Variants in AUTS2 observed in about 807,000 individuals in gnomAD.
AUTS2 encodes autism susceptibility gene 2 protein.
Under a neutral mutation model 112.4 loss-of-function variants are expected in AUTS2, and 17 were observed. The ratio of observed to expected loss-of-function variants is 0.15; its 90% CI spans 0.10 to 0.23. The LOEUF is 0.23. Among genes scored for constraint, AUTS2 ranks in the 10% least tolerant of loss-of-function variants. AUTS2 has a pLI of 1.00. For synonymous variants in AUTS2, 751 were observed against 702.7 expected, an observed-to-expected ratio of 1.07 and a Z score of -1.09; for missense variants, 1,510 against 1,701.6, an observed-to-expected ratio of 0.89 and a Z score of 1.98.
At chr7:69,739,481 T>A (rs547255038) in intron 1 of AUTS2, among the ~76,000 whole-genome samples, 2 of 152,244 alleles carry the variant, frequency 1.3e-5, no homozygotes, top group South Asian at 2.1e-4. Flanking sequence ...ATCTTGGGTA[T>A]AAAGCTTTCT....
chr7:70,608,344 A>G (rs549890264), intron 5 of AUTS2, among the ~76,000 whole-genome samples: 10 of 152,142 alleles, frequency 6.6e-5, no homozygotes, highest in South Asian at 2.1e-4. Flanking sequence ...GGCTCAAGCA[A>G]TCCTCCCACC....
At chr7:70,670,456 C>G (rs1807576336) in intron 5 of AUTS2, among the ~76,000 whole-genome samples, 1 of 152,172 alleles carries the variant, frequency 6.6e-6, no homozygotes, top group South Asian at 2.1e-4. Context: ...AGCATTATTA[C>G]AGAGTGAGGA....
At chr7:69,602,546 C>T (rs1792494733) in intron 1 of AUTS2, among the ~76,000 whole-genome samples, 1 of 152,104 alleles carries the variant, frequency 6.6e-6, no homozygotes, top group South Asian at 2.1e-4. Context: ...CATCTATTTC[C>T]TCTCCCACAT....
At chr7:69,667,977 C>A (rs2129150725) in intron 1 of AUTS2, among the ~76,000 whole-genome samples, 1 of 152,214 alleles carries the variant, frequency 6.6e-6, no homozygotes, top group East Asian at 1.9e-4. Context: ...AAAATACCAC[C>A]AAGTCTAATA....
intron 2 of AUTS2, among the ~76,000 whole-genome samples, chr7:70,084,250 C>T (rs1237687891): frequency 6.6e-6 from 1 of 152,094 alleles, no homozygotes; most frequent in Non-Finnish European, 1.5e-5. Flanking sequence ...CCACATTGTG[C>T]TGTATATAAT....
In AUTS2 at chr7:70,051,482, C is replaced by T. The variant is rs1442775706; in HGVS notation, c.523-66650C>T. 4.6e-5 allele frequency among the ~76,000 whole-genome samples: 7 copies of T among 152,138 alleles called. No individual in the cohort carries two copies. In the South Asian group the frequency reaches 1.0e-3, roughly 23 times the overall value. ...CTGTAATCCCTGCAGTTTGGGAGGC[C>T]GAGGCAGGTGGATCACCTGAGTTCA... On this transcript the variant is annotated intron_variant, in intron 2 of 18. Coordinates refer to ENST00000342771, the MANE Select transcript of AUTS2 (RefSeq NM_015570.4).
At chr7:70,735,527 C>T (rs749862923) in intron 6 of AUTS2, among the ~76,000 whole-genome samples, 7 of 152,068 alleles carry the variant, frequency 4.6e-5, no homozygotes, top group Non-Finnish European at 8.8e-5. Flanking sequence ...CTTTAAGGAC[C>T]GCGAGGAGAG....
intron 6 of AUTS2, among the ~76,000 whole-genome samples, chr7:70,714,681 A>G (rs1266224205): frequency 2.6e-5 from 4 of 152,182 alleles, no homozygotes; most frequent in Admixed American, 2.6e-4. Context: ...TGTCCTGAAG[A>G]CTGCCCCACA....
At chr7:70,657,291 T>C (rs1047247347) in intron 5 of AUTS2, among the ~76,000 whole-genome samples, 1 of 152,176 alleles carries the variant, frequency 6.6e-6, no homozygotes, top group South Asian at 2.1e-4. Flanking sequence ...ATCGAGATCA[T>C]GTACAAGTAA....
chr7:69,884,262 T>C (rs968225709), intron 1 of AUTS2, among the ~76,000 whole-genome samples: 4 of 152,360 alleles, frequency 2.6e-5, no homozygotes, highest in Non-Finnish European at 4.4e-5. Context: ...ATGCAGCTTC[T>C]TAAAAAATGA....
rs57079488 is a variant in AUTS2 at position 70,129,885 on chromosome 7, A to AATAT, written c.625-4638_625-4635dup. On this transcript the variant is annotated intron_variant, in intron 3 of 18. Coordinates refer to ENST00000342771, the MANE Select transcript of AUTS2 (RefSeq NM_015570.4). ...CAACTATATGCTTATTTCTCAATCA[A>AATAT]ATATATATATATATATTGTGTGTGT... is the stretch of plus-strand genomic sequence containing the variant. Among the ~76,000 whole-genome samples, 114 of 147,126 alleles carry AATAT rather than the reference A, an allele frequency of 7.7e-4. 1 individual carries two copies. Among genetic ancestry groups the AATAT allele is most frequent in the Admixed American group, 2.7e-3 (40 of 14,634 alleles).
In AUTS2 at chr7:70,290,610, C is replaced by G. The variant is rs555126470; in HGVS notation, c.661-145142C>G. On this transcript the variant is annotated intron_variant, in intron 4 of 18. Coordinates refer to ENST00000342771, the MANE Select transcript of AUTS2 (RefSeq NM_015570.4). Reference sequence around the variant, plus strand: ...GACCCCAATGAGAAATTAAACACTTCCCTCCTTTTCATTTGCAGTGTGTTT... The same window carrying G: ...GACCCCAATGAGAAATTAAACACTTGCCTCCTTTTCATTTGCAGTGTGTTT... 2.9e-4 allele frequency: 417 copies of G among 1,428,066 alleles called. 3 individuals carry two copies. In the South Asian group the frequency reaches 6.1e-3, roughly 21 times the overall value. 88.5% of individuals were successfully genotyped at this position (1,428,066 alleles called of 1,614,324 possible). A position where few individuals can be genotyped will look rare whatever the true frequency, so the allele number is the denominator to read the frequency against.
intron 4 of AUTS2, among the ~76,000 whole-genome samples, chr7:70,414,483 G>T (rs938054041): frequency 2.0e-5 from 3 of 152,258 alleles, no homozygotes; most frequent in Admixed American, 6.5e-5. Context: ...GAACTGGGAG[G>T]CAGGAGGCAT....
At chr7:70,443,951 A>G (rs978234388) in intron 5 of AUTS2, among the ~76,000 whole-genome samples, 3 of 152,196 alleles carry the variant, frequency 2.0e-5, no homozygotes, top group Admixed American at 6.5e-5. Context: ...CTTGATCTAT[A>G]AAAGGAATTG....
At chr7:70,125,251 G>A (rs1021445912) in intron 3 of AUTS2, among the ~76,000 whole-genome samples, 1 of 65,842 alleles carries the variant, frequency 1.5e-5, no homozygotes, top group Admixed American at 1.3e-4. Flanking sequence ...GGAGATGTGT[G>A]TGTGTGTGTG....
intron 1 of AUTS2, among the ~76,000 whole-genome samples, chr7:69,802,591 C>A (rs1244403243): frequency 6.6e-6 from 1 of 152,168 alleles, no homozygotes; most frequent in Admixed American, 6.5e-5. Context: ...CTTGTCTCTG[C>A]AACTGGAGAG....
At chr7:70,003,175 T>C (rs1799281936) in intron 2 of AUTS2, among the ~76,000 whole-genome samples, 1 of 123,784 alleles carries the variant, frequency 8.1e-6, no homozygotes, top group Non-Finnish European at 1.6e-5. Context: ...ATATATATTA[T>C]ATGAATATAT....
At chr7:69,852,285 C>G (rs1251454859) in intron 1 of AUTS2, among the ~76,000 whole-genome samples, 1 of 151,664 alleles carries the variant, frequency 6.6e-6, no homozygotes, top group Non-Finnish European at 1.5e-5. Context: ...ATGTATAATT[C>G]TTTTTATATA....
chr7:69,886,569 T>C (rs746003790), intron 1 of AUTS2, among the ~76,000 whole-genome samples: 2 of 152,208 alleles, frequency 1.3e-5, no homozygotes, highest in Non-Finnish European at 2.9e-5. Context: ...TAAAATTGTT[T>C]CTTGTCTGCT....
Sources: allele counts gnomAD v4.1 joint callset (sites outside exome capture counted in the v4.1 genomes callset), GRCh38; gene constraint gnomAD v4.1.1; transcripts MANE v1.5; gene names NCBI Gene and HGNC (gene_info 2026-07-23, HGNC 2026-07-21).